Variants in MID1 observed in about 807,000 individuals in gnomAD.
The protein encoded by MID1 is E3 ubiquitin-protein ligase Midline-1.
Under a neutral mutation model 40.4 loss-of-function variants are expected in MID1, and 7 were observed. The observed-to-expected ratio is 0.17, with a 90% CI of 0.10 to 0.33. The LOEUF is 0.33. Among genes scored for constraint, MID1 ranks in the 10% least tolerant of loss-of-function variants. MID1 has a pLI of 1.00. For missense variants in MID1, 367 were observed against 558.5 expected, an observed-to-expected ratio of 0.66 and a Z score of 3.46; for synonymous variants, 229 against 221.2, an observed-to-expected ratio of 1.04 and a Z score of -0.31.
At chrX:10,616,085 C>T (rs962775207) in intron 1 of MID1, among the ~76,000 whole-genome samples, 4 of 111,899 alleles carry the variant, frequency 3.6e-5, no homozygotes, top group Non-Finnish European at 5.6e-5. Context: ...CAGTGAAGTC[C>T]GCTGCCTGAT....
intron 1 of MID1, among the ~76,000 whole-genome samples, chrX:10,709,296 T>C (rs993044029): frequency 3.6e-5 from 4 of 112,163 alleles, no homozygotes; most frequent in African/African-American, 1.3e-4. Flanking sequence ...ACCAAAAAGG[T>C]AGATCAGTCA....
intron 1 of MID1, among the ~76,000 whole-genome samples, chrX:10,787,381 A>T (rs2043893602): frequency 9.2e-6 from 1 of 109,262 alleles, no homozygotes; most frequent in Non-Finnish European, 1.9e-5. Context: ...ATATTTTTTT[A>T]AATTTGAATA....
intron 1 of MID1, among the ~76,000 whole-genome samples, chrX:10,602,472 G>C (rs745386421): frequency 3.7e-5 from 4 of 109,576 alleles, no homozygotes; most frequent in Non-Finnish European, 7.6e-5. Flanking sequence ...CACTCACTCC[G>C]CATTCTCCCC....
At chrX:10,771,658 A>ATTTTTTTTTTTTTTT (rs765034374) in intron 1 of MID1, among the ~76,000 whole-genome samples, 1 of 82,301 alleles carries the variant, frequency 1.2e-5, no homozygotes. Flanking sequence ...TGCCTGGCTA[A>ATTTTTTTTTTTTTTT]TTTTTTTTTT....
chrX:10,682,347 T>G (rs1425855210), intron 1 of MID1, among the ~76,000 whole-genome samples: 2 of 111,137 alleles, frequency 1.8e-5, no homozygotes, highest in African/African-American at 3.3e-5. Flanking sequence ...TTTATCTTTT[T>G]TTTTTCTTTG....
At chrX:10,588,562 T>C (rs1321662333) in intron 1 of MID1, among the ~76,000 whole-genome samples, 1 of 111,519 alleles carries the variant, frequency 9.0e-6, no homozygotes, top group African/African-American at 3.3e-5. Context: ...CTGTTGTTTT[T>C]TTTTTTAACT....
intron 1 of MID1, among the ~76,000 whole-genome samples, chrX:10,689,461 C>T (rs2043119380): frequency 9.0e-6 from 1 of 111,636 alleles, no homozygotes; most frequent in African/African-American, 3.3e-5. Context: ...GTTCCCTCCC[C>T]TGACATGTGG....
chrX:10,564,924 G>A (rs187506343), intron 2 of MID1, among the ~76,000 whole-genome samples: 149 of 106,296 alleles, frequency 1.4e-3, no homozygotes, highest in African/African-American at 5.0e-3. Flanking sequence ...TTTACATTTT[G>A]GAAAACAAAA....
chrX:10,735,506 T>A (rs185271395), intron 1 of MID1, among the ~76,000 whole-genome samples: 1 of 112,213 alleles, frequency 8.9e-6, no homozygotes, highest in East Asian at 2.8e-4. Context: ...TATGCCTTTT[T>A]TCTTACACTA....
intron 1 of MID1, among the ~76,000 whole-genome samples, chrX:10,705,581 A>G (rs1454150560): frequency 8.9e-6 from 1 of 112,311 alleles, no homozygotes; most frequent in Non-Finnish European, 1.9e-5. Context: ...CTTCTTAGTA[A>G]TAATAAAAGA....
chrX:10,703,811 T>A (rs2043208299), intron 1 of MID1, among the ~76,000 whole-genome samples: 1 of 112,178 alleles, frequency 8.9e-6, no homozygotes, highest in Admixed American at 9.4e-5. Context: ...TTTGAATCCT[T>A]TTTTCCAATA....
chrX:10,676,455 A>C (rs1285481934), intron 1 of MID1, among the ~76,000 whole-genome samples: 2 of 111,590 alleles, frequency 1.8e-5, no homozygotes, highest in East Asian at 5.7e-4. Flanking sequence ...GTAGCATCCC[A>C]GAGCAGTAGA....
Position 10,648,277 on chromosome X carries a change from A to G in MID1, c.-186-27858T>C, listed in dbSNP as rs781101135. On this transcript the variant is annotated intron_variant, in intron 1 of 10. Transcript: ENST00000380785. ...GGATTCTTGATGACATCATTATGCC[A>G]AAGAAGTAGTCAACTGTGGAACTGT... is the stretch of plus-strand genomic sequence containing the variant. Among the ~76,000 whole-genome samples, 6 of 112,045 alleles carry G rather than the reference A, an allele frequency of 5.4e-5. No individual in the cohort carries two copies. The South Asian group carries it at 2.3e-3, about 42-fold the overall frequency.
At chrX:10,754,094 A>G (rs2043615697) in intron 1 of MID1, among the ~76,000 whole-genome samples, 1 of 112,188 alleles carries the variant, frequency 8.9e-6, no homozygotes. Context: ...AGAAGGTTTG[A>G]AAGAGATATT....
chrX:10,739,856 T>TCTC (rs1378569136), intron 1 of MID1, among the ~76,000 whole-genome samples: 2 of 112,243 alleles, frequency 1.8e-5, no homozygotes, highest in Admixed American at 1.9e-4. Flanking sequence ...AAATGTAGAC[T>TCTC]CTCTTTTGTG....
At chrX:10,747,568 T>C (rs1941924677) in intron 1 of MID1, among the ~76,000 whole-genome samples, 1 of 112,556 alleles carries the variant, frequency 8.9e-6, no homozygotes, top group Admixed American at 9.4e-5. Flanking sequence ...TTTGAGACAG[T>C]CATGAAAACT....
intron 1 of MID1, among the ~76,000 whole-genome samples, chrX:10,741,036 T>G (rs1220417626): frequency 8.9e-6 from 1 of 112,010 alleles, no homozygotes; most frequent in Admixed American, 9.5e-5. Context: ...TAGCTTGGCT[T>G]GCAGGAAATG....
intron 6 of MID1, among the ~76,000 whole-genome samples, chrX:10,470,068 T>A (rs975748265): frequency 1.8e-5 from 2 of 112,341 alleles, no homozygotes; most frequent in Non-Finnish European, 3.8e-5. Context: ...GTGTTTATCA[T>A]GAGATCATGA....
intron 1 of MID1, among the ~76,000 whole-genome samples, chrX:10,692,243 C>T (rs779283697): frequency 9.0e-5 from 10 of 111,313 alleles, no homozygotes; most frequent in East Asian, 2.8e-4. Context: ...GCTGGTTTTG[C>T]GGCTCGAGGT....
Sources: allele counts gnomAD v4.1 joint callset (sites outside exome capture counted in the v4.1 genomes callset), GRCh38; gene constraint gnomAD v4.1.1; transcripts MANE v1.5; gene names NCBI Gene and HGNC (gene_info 2026-07-23, HGNC 2026-07-21).